AFDN: variants seen among roughly 807,000 people sequenced by gnomAD.
AFDN encodes the protein afadin.
Under a neutral mutation model 216.6 loss-of-function variants are expected in AFDN, and 68 were observed. The observed-to-expected ratio is 0.31, with a 90% CI of 0.26 to 0.38. The LOEUF is 0.38. Ranked by LOEUF, AFDN falls within the 10% of genes least tolerant of loss-of-function variation. The probability of loss-of-function intolerance (pLI) is 1.00; values close to 1 mark genes in which losing one functional copy is unlikely to be tolerated. For synonymous variants in AFDN, 868 were observed against 853.7 expected, an observed-to-expected ratio of 1.02 and a Z score of -0.29; for missense variants, 2,136 against 2,342.0, an observed-to-expected ratio of 0.91 and a Z score of 1.82.
At chr6:167,916,898 C>T (rs569655245) in intron 19 of AFDN, among the ~76,000 whole-genome samples, 191 bp from the exon 20 acceptor site, 1 of 152,190 alleles carries the variant, frequency 6.6e-6, no homozygotes, top group African/African-American at 2.4e-5. Flanking sequence ...AAAAGATGCC[C>T]TTTACAAGAT....
intron 1 of AFDN, among the ~76,000 whole-genome samples, chr6:167,833,739 T>C (rs1259209592): frequency 1.3e-5 from 2 of 152,176 alleles, no homozygotes; most frequent in Non-Finnish European, 2.9e-5. Context: ...CGGTTCTGTA[T>C]GTTAAGTAGA....
chr6:167,963,189 T>C, intron 31 of AFDN: 2 of 1,066,080 alleles, frequency 1.9e-6, no homozygotes, highest in Non-Finnish European at 2.3e-6. Flanking sequence ...TTTGACATTC[T>C]GAGAAATGGG....
At chr6:167,877,527 A>AG (rs1785525402) in intron 5 of AFDN, among the ~76,000 whole-genome samples, 1 of 152,214 alleles carries the variant, frequency 6.6e-6, no homozygotes, top group Non-Finnish European at 1.5e-5. Context: ...GATTGGGGGT[A>AG]GAAGGAGCAT....
intron 1 of AFDN, among the ~76,000 whole-genome samples, chr6:167,835,911 GTAGA>G (rs1201236798): frequency 3.9e-5 from 6 of 152,140 alleles, no homozygotes; most frequent in Non-Finnish European, 7.4e-5. Context: ...GTGTTCTAAG[GTAGA>G]TATTATGTGG....
chr6:167,951,097 T>C lies in AFDN; in HGVS notation c.3832-89T>C. On this transcript the variant is annotated intron_variant, in intron 29 of 33. Transcript: ENST00000683244. The surrounding 1 kb of genome is among the most constrained non-coding windows in gnomAD (Gnocchi z 7.1). ...TCTTTCTGTACACTGATTTAACAGT[T>C]TTTCTTCTGTCTGAAGATAAAATGT... 3.4e-6 allele frequency: 5 copies of C among 1,452,354 alleles called. No individual in the cohort carries two copies. The South Asian group carries it at 7.5e-5, about 22-fold the overall frequency. 90.0% of individuals were successfully genotyped at this position (1,452,354 alleles called of 1,614,324 possible). A position where few individuals can be genotyped will look rare whatever the true frequency, so the allele number is the denominator to read the frequency against.
chr6:167,950,976 C>T (rs1029908094), intron 29 of AFDN, among the ~76,000 whole-genome samples: 8 of 151,386 alleles, frequency 5.3e-5, no homozygotes, highest in Non-Finnish European at 1.0e-4. Flanking sequence ...GGATTATAGG[C>T]GTGAGCCACC....
chr6:167,969,091 G>C (rs1316221309), intron 32 of AFDN, 23 bp from the exon 33 acceptor site: 3 of 1,566,586 alleles, frequency 1.9e-6, no homozygotes, highest in Non-Finnish European at 2.6e-6. Context: ...ACTTTAACTT[G>C]TACTGTTTCT....
chr6:167,915,024 T>G, intron 18 of AFDN, 144 bp from the exon 19 acceptor site: 2 of 833,878 alleles, frequency 2.4e-6, no homozygotes, highest in Non-Finnish European at 3.7e-6. Context: ...TGTCACTGTT[T>G]CCTCTTGGAA....
intron 4 of AFDN, among the ~76,000 whole-genome samples, chr6:167,873,576 T>G (rs1392117450): frequency 6.6e-6 from 1 of 152,160 alleles, no homozygotes; most frequent in Non-Finnish European, 1.5e-5. Flanking sequence ...AGAAGAATGG[T>G]TGGGTGACAG....
intron 29 of AFDN, among the ~76,000 whole-genome samples, chr6:167,949,682 C>T (rs113431894): frequency 1.6e-3 from 250 of 152,314 alleles, no homozygotes; most frequent in Admixed American, 3.3e-3. Flanking sequence ...GTGCCCTAGT[C>T]CTTCTAGTAT....
intron 30 of AFDN, among the ~76,000 whole-genome samples, chr6:167,955,283 T>C (rs1439667721): frequency 7.6e-6 from 1 of 131,744 alleles, no homozygotes; most frequent in African/African-American, 2.7e-5. Context: ...CACCAAATAA[T>C]AGTCCCCTTT....
chr6:167,848,509 A>G (rs567267285), intron 1 of AFDN, among the ~76,000 whole-genome samples: 2 of 152,282 alleles, frequency 1.3e-5, no homozygotes, highest in African/African-American at 2.4e-5. Context: ...AATAAATTGT[A>G]TATACTTTTC....
intron 1 of AFDN, among the ~76,000 whole-genome samples, chr6:167,845,873 CT>C (rs1781615310): frequency 6.6e-6 from 1 of 152,110 alleles, no homozygotes. Context: ...TTCCACATGG[CT>C]GGGGAGACCT....
At chr6:167,956,003 T>C (rs1230385778) in intron 30 of AFDN, among the ~76,000 whole-genome samples, 1 of 149,226 alleles carries the variant, frequency 6.7e-6, no homozygotes, top group Non-Finnish European at 1.5e-5. Flanking sequence ...TAATGCCAGC[T>C]ACTCAGGAGG....
chr6:167,922,054 G>C (rs146449478), intron 21 of AFDN, among the ~76,000 whole-genome samples: 2 of 152,318 alleles, frequency 1.3e-5, no homozygotes, highest in East Asian at 3.9e-4. Context: ...CACACAGGAC[G>C]CTCTTGATGA....
At chr6:167,900,954 C>T (rs1356380732) in intron 11 of AFDN, among the ~76,000 whole-genome samples, 1 of 152,040 alleles carries the variant, frequency 6.6e-6, no homozygotes, top group Non-Finnish European at 1.5e-5. Context: ...AATTATTTGG[C>T]CTTTAGTAAA....
intron 1 of AFDN, among the ~76,000 whole-genome samples, chr6:167,850,811 G>T (rs1475684668): frequency 1.3e-5 from 2 of 152,024 alleles, no homozygotes; most frequent in East Asian, 3.9e-4. Context: ...GGTTGATTTG[G>T]GTAGATCAGT....
At position 167,827,158 on chromosome 6, in the gene AFDN, A is replaced by T; in HGVS notation, c.26A>T (p.Glu9Val). Reference sequence around the variant, plus strand: ...ATGTCGGCGGGCGGCCGTGACGAGGAGCGGCGGAAGCTGGCCGACATCATC... The same window carrying T: ...ATGTCGGCGGGCGGCCGTGACGAGGTGCGGCGGAAGCTGGCCGACATCATC... Reference protein sequence around the residue: MSAGGRDEERRKLADIIHH... With the variant: MSAGGRDEVRRKLADIIHH... The change falls in exon 1 of 34, where the codon GAG (glutamate) becomes GTG (valine). Residue 9 changes from glutamate to valine, a missense_variant. Glu to Val is a moderately radical substitution (Grantham distance 121, BLOSUM62 -2). Around this residue, in one of 8 missense-constraint regions of AFDN, gnomAD observed 81 missense variants for 51.2 expected, o/e 1.58. Transcript: ENST00000683244. 1 of 1,295,372 alleles carries T rather than the reference A, an allele frequency of 7.7e-7. No individual in the cohort carries two copies. Among genetic ancestry groups the T allele is most frequent in the Admixed American group, 2.6e-5 (1 of 38,824 alleles). 80.2% of individuals were successfully genotyped at this position (1,295,372 alleles called of 1,614,324 possible).
intron 30 of AFDN, 82 bp downstream of exon 30, chr6:167,952,269 C>T (rs1796079972): frequency 1.9e-6 from 3 of 1,603,646 alleles, no homozygotes; most frequent in Non-Finnish European, 2.6e-6. Context: ...ATAGCTAGGC[C>T]CCTGATCGTG....
Sources: allele counts gnomAD v4.1 joint callset (sites outside exome capture counted in the v4.1 genomes callset), GRCh38; gene constraint gnomAD v4.1.1; regional missense constraint gnomAD v4.1.1; non-coding constraint Gnocchi (gnomAD v3.1); transcripts MANE v1.5; gene names NCBI Gene and HGNC (gene_info 2026-07-23, HGNC 2026-07-21).